Variants in FGG observed in about 807,000 individuals in gnomAD.
The protein encoded by FGG is fibrinogen gamma chain.
In FGG, 20 loss-of-function variants were observed where a neutral mutation model predicts 51.7. That is an observed-to-expected ratio of 0.39 (90% confidence interval 0.27 to 0.56). FGG has a LOEUF of 0.56. Among genes scored for constraint, FGG ranks in the 20% least tolerant of loss-of-function variants. FGG has a pLI of 0.64. For synonymous variants in FGG, 184 were observed against 184.7 expected, an observed-to-expected ratio of 1.00 and a Z score of 0.03; for missense variants, 460 against 534.2, an observed-to-expected ratio of 0.86 and a Z score of 1.37.
rs138916334 is a variant in FGG, at chr4:154,611,897, A to G, written c.309T>C (p.Asn103=). The change falls in exon 4 of 9, where the codon AAT becomes AAC. Residue 103 remains asparagine, a splice_region_variant and synonymous_variant. Coordinates refer to ENST00000336098, the MANE Select transcript of FGG (RefSeq NM_021870.3). ...TYNPDESSKP[N]MIDAATLKSR... is the part of the protein sequence containing the mutation. Reference sequence around the variant, plus strand: ...ACTTCAAAGTAGCAGCGTCTATCATATCTGTAATATAGGATCAGAGACATA... The same window carrying G: ...ACTTCAAAGTAGCAGCGTCTATCATGTCTGTAATATAGGATCAGAGACATA... 1,243 of 1,610,100 alleles carry G rather than the reference A, an allele frequency of 7.7e-4. 21 individuals carry two copies. In the South Asian group the frequency reaches 0.013, roughly 17 times the overall value.
At position 154,612,154 on chromosome 4, in the gene FGG, A is replaced by C; in HGVS notation, c.171T>G (p.Thr57=). 6.2e-7 allele frequency: 1 copy of C among 1,611,566 alleles called. No homozygotes were observed. Among genetic ancestry groups the C allele is most frequent in the Non-Finnish European group, 8.5e-7 (1 of 1,178,958 alleles). ...GATCCTTGTCTACTTTGGTTTGATA[A>C]GTAGACAGGAAATCTGCAATGCCAC... The part of the protein sequence containing the change: ...TTCGIADFLS[T]YQTKVDKDLQ... The change falls in exon 3 of 9, where the codon ACT becomes ACG. Residue 57 remains threonine (T), a synonymous_variant. Coordinates refer to ENST00000336098, the MANE Select transcript of FGG (RefSeq NM_021870.3).
In FGG at chr4:154,606,974, T is replaced by C; in HGVS notation, c.860A>G (p.Asp287Gly). ...AGGTCCCACCTTGAACATGGCATAG[T>C]CTGCAGTACTGAGAAGAAGGAAATA... ...EDWNGRTSTA[D>G]YAMFKVGPEA... The change falls in exon 8 of 9, where the codon GAC (aspartate) becomes GGC (glycine). Residue 287 changes from aspartate to glycine, a missense_variant. By Grantham distance (94) the Asp-to-Gly change is moderately conservative. Coordinates refer to ENST00000336098, the MANE Select transcript of FGG (RefSeq NM_021870.3). 1 of 1,602,098 alleles carries C rather than the reference T, an allele frequency of 6.2e-7. No individual in the cohort carries two copies. Among genetic ancestry groups the C allele is most frequent in the Non-Finnish European group, 8.5e-7 (1 of 1,173,764 alleles).
In FGG at chr4:154,612,034, A is replaced by G. The variant is rs1731224625; in HGVS notation, c.291T>C (p.Asp97=). Residue 97 remains aspartate (D), a synonymous_variant, in exon 3 of 9, where the codon GAT becomes GAC. Coordinates refer to ENST00000336098, the MANE Select transcript of FGG (RefSeq NM_021870.3). ...TTTTCTCACTTGGTTTTGATGATTC[A>G]TCAGGATTATAAGTGAGTTGGATTG... The part of the protein sequence containing the change: ...IKAIQLTYNP[D]ESSKPNMIDA... The G allele has an allele frequency of 6.2e-7, 1 of 1,612,938 alleles. No homozygotes were observed. The highest frequency in any genetic ancestry group is 8.5e-7 in the Non-Finnish European group (1 of 1,179,706).
Position 154,608,496 on chromosome 4 carries a change from A to G in FGG, c.821T>C (p.Val274Ala). 6.2e-7 allele frequency: 1 copy of G among 1,613,452 alleles called. No individual in the cohort carries two copies. The highest frequency in any genetic ancestry group is 8.5e-7 in the Non-Finnish European group (1 of 1,179,750). ...TQSAIPYALR[V>A]ELEDWNGRTS... is the part of the protein sequence containing the mutation. ...TCTGCCATTCCAGTCTTCCAGTTCC[A>G]CTCTTAATGCATATGGGATGGCAGA... is the stretch of plus-strand genomic sequence containing the variant. The change falls in exon 7 of 9, where the codon GTG becomes GCG. Residue 274 changes from valine to alanine, a missense_variant. Around this residue, in one of 3 missense-constraint regions of FGG, gnomAD observed 353 missense variants for 391.7 expected, o/e 0.90. Coordinates refer to ENST00000336098, the MANE Select transcript of FGG (RefSeq NM_021870.3).
chr4:154,612,270 A>G (rs1329193166), intron 2 of FGG, 69 bp from the exon 3 acceptor site: 5 of 1,587,648 alleles, frequency 3.1e-6, no homozygotes, highest in Non-Finnish European at 3.5e-6. Flanking sequence ...AAAAATAGGT[A>G]AAACCTAGAC....
At position 154,604,299 on chromosome 4, in the gene FGG, T is replaced by C. The variant is rs146143405; in HGVS notation, c.*535A>G. The C allele has an allele frequency of 2.7e-4, 404 of 1,481,592 alleles. No homozygotes were observed. In the African/African-American group the frequency reaches 4.3e-3, roughly 16 times the overall value. The allele number at this position is 1,481,592 out of a possible 1,614,324, so 91.8% of individuals were successfully genotyped here. On this transcript the variant is annotated 3_prime_UTR_variant, in exon 9 of 9. Transcript: ENST00000336098. ...AAAATATTATATCTCTCTGTTCAGA[T>C]AAAGTCCTTTAAAAAAGTAAATCTC...
Position 154,612,123 on chromosome 4 carries a change from A to T in FGG, c.202T>A (p.Ser68Thr), listed in dbSNP as rs750086605. 1 of 1,612,498 alleles carries T rather than the reference A, an allele frequency of 6.2e-7. No individual in the cohort carries two copies. Among genetic ancestry groups the T allele is most frequent in the Non-Finnish European group, 8.5e-7 (1 of 1,179,650 alleles). The change falls in exon 3 of 9, where the codon TCT becomes ACT. Residue 68 changes from serine (S) to threonine (T), a missense_variant. Coordinates refer to ENST00000336098, the MANE Select transcript of FGG (RefSeq NM_021870.3). ...ACTTGATGTAAGATGTCTTCCAAAG[A>T]CTGTAGATCCTTGTCTACTTTGGTT... ...YQTKVDKDLQSLEDILHQVEN... is the reference protein window; with the variant it reads ...YQTKVDKDLQTLEDILHQVEN...
At chr4:154,608,278 G>A (rs898558929) in intron 7 of FGG, among the ~76,000 whole-genome samples, 188 bp downstream of exon 7, 1 of 152,138 alleles carries the variant, frequency 6.6e-6, no homozygotes, top group African/African-American at 2.4e-5. Flanking sequence ...AATACACTTA[G>A]ATTCATCCTG....
At position 154,606,839 on chromosome 4, in the gene FGG, G is replaced by T; in HGVS notation, c.995C>A (p.Ser332Tyr). ...GGTACTGAACTGCATGCCATTATGG[G>T]ATGTGAAAAACTTGTCACTAGGATC... ...GDDPSDKFFT[S>Y]HNGMQFSTWD... is the part of the protein sequence containing the mutation. The change falls in exon 8 of 9, where the codon TCC becomes TAC. Residue 332 changes from serine to tyrosine, a missense_variant. Ser to Tyr is a moderately radical substitution (Grantham distance 144, BLOSUM62 -2). Coordinates refer to ENST00000336098, the MANE Select transcript of FGG (RefSeq NM_021870.3). 6.2e-7 allele frequency: 1 copy of T among 1,613,876 alleles called. No individual in the cohort carries two copies. Among genetic ancestry groups the T allele is most frequent in the Non-Finnish European group, 8.5e-7 (1 of 1,179,882 alleles).
At chr4:154,611,780 A>G (rs1311601206) in intron 4 of FGG, 25 bp downstream of exon 4, 2 of 1,480,544 alleles carry the variant, frequency 1.4e-6, no homozygotes, top group Non-Finnish European at 1.9e-6. Context: ...AGTCTTGCAG[A>G]GCAAATTAAA....
At chr4:154,609,918 A>G in intron 5 of FGG, 149 bp downstream of exon 5, 8 of 1,488,778 alleles carry the variant, frequency 5.4e-6, no homozygotes, top group Non-Finnish European at 7.4e-6. Flanking sequence ...TGTTTTTTTT[A>G]GCTATTCAAG....
rs374053381 is a variant in FGG at position 154,608,522 on chromosome 4, C to A, written c.795G>T (p.Gln265His). The stretch of plus-strand genomic sequence containing the variant: ...CTCTTAATGCATATGGGATGGCAGA[C>A]TGTGTGCTTATCAAATGAATCTTCT... The part of the protein sequence containing the change: ...GNEKIHLIST[Q>H]SAIPYALRVE... Residue 265 changes from glutamine (Q) to histidine (H), a missense_variant, in exon 7 of 9, where the codon CAG (glutamine) becomes CAT (histidine). Gln to His is a conservative substitution (Grantham distance 24). Coordinates refer to ENST00000336098, the MANE Select transcript of FGG (RefSeq NM_021870.3). 86 of 1,613,644 alleles carry A rather than the reference C, an allele frequency of 5.3e-5. No individual in the cohort carries two copies. The highest frequency in any genetic ancestry group is 7.0e-5 in the Non-Finnish European group (83 of 1,179,860).
At chr4:154,605,488 G>C (rs923393485) in intron 8 of FGG, among the ~76,000 whole-genome samples, 4 of 152,132 alleles carry the variant, frequency 2.6e-5, no homozygotes, top group Non-Finnish European at 5.9e-5. Context: ...AGGAGCTTTA[G>C]GAAATGGTTC....
chr4:154,609,533 A>T, intron 6 of FGG, 97 bp downstream of exon 6: 2 of 1,442,144 alleles, frequency 1.4e-6, no homozygotes, highest in Non-Finnish European at 1.9e-6. Flanking sequence ...GCAAGGATTA[A>T]ATGAGCTACG....
In FGG at chr4:154,612,577, A is replaced by T. The variant is rs765777007; in HGVS notation, c.33T>A (p.Ile11=). Reference sequence around the variant, plus strand: ...GAAATAAAAGAGCATAGAAGTAGAGAATTAAATTCCGGGGGTGCAAGGACC... The same window carrying T: ...GAAATAAAAGAGCATAGAAGTAGAGTATTAAATTCCGGGGGTGCAAGGACC... The part of the protein sequence containing the change: MSWSLHPRNL[I]LYFYALLFLS... The change falls in exon 1 of 9, where the codon ATT becomes ATA. Residue 11 remains isoleucine, a synonymous_variant. Coordinates refer to ENST00000336098, the MANE Select transcript of FGG (RefSeq NM_021870.3). 3.1e-6 allele frequency: 5 copies of T among 1,613,834 alleles called. No homozygotes were observed. The highest frequency in any genetic ancestry group is 1.7e-5 in the Admixed American group (1 of 59,992).
Position 154,608,699 on chromosome 4 carries a change from A to C in FGG, c.667-49T>G, listed in dbSNP as rs6064. On this transcript the variant is annotated intron_variant, in intron 6 of 8. Coordinates refer to ENST00000336098, the MANE Select transcript of FGG (RefSeq NM_021870.3). ...AAAGGAGAAAATAGACTATCAATGCATGTAAAGAGAATGCTGTCAACATTT... is the reference window on the plus strand; with the variant it reads ...AAAGGAGAAAATAGACTATCAATGCCTGTAAAGAGAATGCTGTCAACATTT... The C allele has an allele frequency of 8.6e-6, 13 of 1,506,994 alleles. No individual in the cohort carries two copies. The Admixed American group carries it at 1.0e-4, about 12-fold the overall frequency. 93.4% of individuals were successfully genotyped at this position (1,506,994 alleles called of 1,614,324 possible).
In FGG at chr4:154,604,876, C is replaced by T. The variant is rs148378804; in HGVS notation, c.1320G>A (p.Ala440=). The change falls in exon 9 of 9, where the codon GCG becomes GCA. Residue 440 remains alanine (A), a synonymous_variant. Transcript: ENST00000336098. The part of the protein sequence containing the change: ...GAKQVRPEHP[A]ETEYDSLYPE... ...GGTAAAGTGAGTCATATTCTGTTTC[C>T]GCAGGGTGCTCTGGTCTGACCTGTT... 8.4e-5 allele frequency: 136 copies of T among 1,614,006 alleles called. No homozygotes were observed. The African/African-American group carries it at 1.2e-3, about 14-fold the overall frequency.
chr4:154,608,359 T>C, intron 7 of FGG, 107 bp downstream of exon 7: 2 of 1,093,372 alleles, frequency 1.8e-6, no homozygotes, highest in Non-Finnish European at 2.7e-6. Flanking sequence ...CTGGATGTGC[T>C]GTTTGCATTT....
chr4:154,612,572 T>C lies in FGG; in HGVS notation c.38A>G (p.Tyr13Cys), dbSNP rs773024285. The change falls in exon 1 of 9, where the codon TAC (tyrosine) becomes TGC (cysteine). Residue 13 changes from tyrosine (Y) to cysteine (C), a missense_variant. Around this residue, in one of 3 missense-constraint regions of FGG, gnomAD observed 353 missense variants for 391.7 expected, o/e 0.90. Coordinates refer to ENST00000336098, the MANE Select transcript of FGG (RefSeq NM_021870.3). ...AGAGAGAAATAAAAGAGCATAGAAG[T>C]AGAGAATTAAATTCCGGGGGTGCAA... is the stretch of plus-strand genomic sequence containing the variant. ...WSLHPRNLIL[Y>C]FYALLFLSST... 9 of 1,613,924 alleles carry C rather than the reference T, an allele frequency of 5.6e-6. No individual in the cohort carries two copies. Among genetic ancestry groups the C allele is most frequent in the East Asian group, 2.2e-5 (1 of 44,878 alleles).
Sources: allele counts gnomAD v4.1 joint callset (sites outside exome capture counted in the v4.1 genomes callset), GRCh38; gene constraint gnomAD v4.1.1; regional missense constraint gnomAD v4.1.1; transcripts MANE v1.5; gene names NCBI Gene and HGNC (gene_info 2026-07-23, HGNC 2026-07-21).